TMEM132D: variants seen among roughly 807,000 people sequenced by gnomAD.
TMEM132D encodes the protein mature OL transmembrane protein.
TMEM132D carries 21 observed loss-of-function variants against 62.3 expected under a neutral mutation model. That is an observed-to-expected ratio of 0.34 (90% CI 0.24 to 0.49). TMEM132D has a LOEUF of 0.49. Ranked by LOEUF, TMEM132D falls within the 20% of genes least tolerant of loss-of-function variation. The probability of loss-of-function intolerance (pLI) is 0.99; values close to 1 mark genes in which losing one functional copy is unlikely to be tolerated. For synonymous variants in TMEM132D, 621 were observed against 575.6 expected (o/e 1.08, Z -1.13); for missense variants, 1,346 against 1,402.8 (o/e 0.96, Z 0.65).
chr12:129,438,326 C>T (rs1872844501), intron 3 of TMEM132D, among the ~76,000 whole-genome samples: 1 of 152,142 alleles, frequency 6.6e-6, no homozygotes, highest in Admixed American at 6.5e-5. Context: ...CAGAAAGGTG[C>T]AGAGACAAGT....
At chr12:129,286,728 A>G (rs1363687971) in intron 4 of TMEM132D, among the ~76,000 whole-genome samples, 1 of 152,184 alleles carries the variant, frequency 6.6e-6, no homozygotes. Context: ...TCTAGACCTT[A>G]AAGTGTAAAT....
intron 3 of TMEM132D, among the ~76,000 whole-genome samples, chr12:129,515,861 T>C (rs1593046722): frequency 1.3e-5 from 2 of 152,364 alleles, no homozygotes; most frequent in South Asian, 4.1e-4. Flanking sequence ...TGGATTTTTA[T>C]TTCTGAAGGC....
At chr12:129,900,237 G>A (rs2137402049) in intron 1 of TMEM132D, among the ~76,000 whole-genome samples, 1 of 152,306 alleles carries the variant, frequency 6.6e-6, no homozygotes, top group African/African-American at 2.4e-5. Flanking sequence ...TAAACACACA[G>A]ACACACCACA....
chr12:129,699,964 G>C lies in TMEM132D; in HGVS notation c.814C>G (p.Leu272Val). 2.5e-6 allele frequency: 4 copies of C among 1,614,130 alleles called. No homozygotes were observed. In the South Asian group the frequency reaches 4.4e-5, roughly 18 times the overall value. ...PPLQRIGSIF[L>V]YQTHRKPSLR... ...GAGGGTTTCCTGTGTGTCTGATAAA[G>C]GAAGATGCTCCCGATCCTCTGCAAG... The change falls in exon 2 of 9, where the codon CTT becomes GTT. Residue 272 changes from leucine (L) to valine (V), a missense_variant. Leu to Val is a conservative substitution (Grantham distance 32). Transcript: ENST00000422113.
At chr12:129,881,556 TC>T (rs1279525481) in intron 1 of TMEM132D, among the ~76,000 whole-genome samples, 2 of 151,466 alleles carry the variant, frequency 1.3e-5, no homozygotes, top group African/African-American at 4.9e-5. Context: ...ATCTAGAAAA[TC>T]CCCCAAACAT....
chr12:129,903,912 C>T lies in TMEM132D; in HGVS notation c.-573G>A, dbSNP rs1333761717. Among the ~76,000 whole-genome samples the T allele has an allele frequency of 1.4e-5, 2 of 147,408 alleles. No homozygotes were observed. Among genetic ancestry groups the T allele is most frequent in the East Asian group, 4.0e-4 (2 of 5,026 alleles). On this transcript the variant is annotated 5_prime_UTR_variant, in exon 1 of 9. Coordinates refer to ENST00000422113, the MANE Select transcript of TMEM132D (RefSeq NM_133448.3). This position sits in a 1 kb window ranked among gnomAD's most constrained non-coding sequence, Gnocchi z 6.2. Reference sequence around the variant, plus strand: ...CTGCGCCTCGGGGCTCGGGCGCGCGCGCGCTCCGGCACCCAAAGTTTGGCG... The same window carrying T: ...CTGCGCCTCGGGGCTCGGGCGCGCGTGCGCTCCGGCACCCAAAGTTTGGCG...
chr12:129,572,585 A>G (rs1877547140), intron 2 of TMEM132D, among the ~76,000 whole-genome samples: 1 of 152,102 alleles, frequency 6.6e-6, no homozygotes. Context: ...AGTAGCTGGG[A>G]TTACTAGGCA....
chr12:129,123,964 C>T (rs1404262762), intron 5 of TMEM132D, among the ~76,000 whole-genome samples: 3 of 152,144 alleles, frequency 2.0e-5, no homozygotes, highest in Admixed American at 2.0e-4. Context: ...AGGTCTCCAG[C>T]TGCAGAAGGA....
chr12:129,532,036 A>G (rs973004089), intron 2 of TMEM132D, among the ~76,000 whole-genome samples: 90 of 152,312 alleles, frequency 5.9e-4, no homozygotes, highest in African/African-American at 2.1e-3. Context: ...AGTTTGGGTG[A>G]CAAAGTGAGA....
intron 3 of TMEM132D, among the ~76,000 whole-genome samples, chr12:129,430,209 A>C (rs1014893858): frequency 2.0e-5 from 3 of 152,144 alleles, no homozygotes; most frequent in Admixed American, 6.5e-5. Context: ...ACAGTGTAAA[A>C]GTGTTCCTAT....
chr12:129,568,906 G>A (rs971001344), intron 2 of TMEM132D, among the ~76,000 whole-genome samples: 2 of 152,136 alleles, frequency 1.3e-5, no homozygotes, highest in African/African-American at 4.8e-5. Flanking sequence ...TTAAAGCAGT[G>A]ACTCTCAAAC....
At chr12:129,549,126 C>A (rs1038388629) in intron 2 of TMEM132D, among the ~76,000 whole-genome samples, 1 of 151,488 alleles carries the variant, frequency 6.6e-6, no homozygotes, top group Non-Finnish European at 1.5e-5. Flanking sequence ...TGGGAGGGAC[C>A]TGGTGGGAGG....
At chr12:129,105,422 T>C (rs889761541) in intron 5 of TMEM132D, among the ~76,000 whole-genome samples, 5 of 129,314 alleles carry the variant, frequency 3.9e-5, no homozygotes, top group East Asian at 2.5e-4. Context: ...AGGGATAGCA[T>C]TGGGAGATAT....
rs552126582 is a variant in TMEM132D, at chr12:129,296,189, A to G, written c.1299+41445T>C. Among the ~76,000 whole-genome samples, 35 of 152,298 alleles carry G rather than the reference A, an allele frequency of 2.3e-4. No individual in the cohort carries two copies. The South Asian group carries it at 6.4e-3, about 28-fold the overall frequency. ...AACCCTGACTCAGGCAACTGTAAAT[A>G]TAAGTAAACATTCCACTATGCTTCA... On this transcript the variant is annotated intron_variant, in intron 4 of 8. Transcript: ENST00000422113.
At chr12:129,609,039 C>T (rs947180844) in intron 2 of TMEM132D, among the ~76,000 whole-genome samples, 1 of 151,172 alleles carries the variant, frequency 6.6e-6, no homozygotes, top group Non-Finnish European at 1.5e-5. Flanking sequence ...CTCCTGGGTT[C>T]CAGCGATTCT....
Position 129,903,438 on chromosome 12 carries a change from G to T in TMEM132D, c.-99C>A, listed in dbSNP as rs1875439608. ...AGAGGCCCGCAGCGGGGCCGGTGGCGAGGGAGCGCCCGGCTAGGGGCCCGA... is the reference window on the plus strand; with the variant it reads ...AGAGGCCCGCAGCGGGGCCGGTGGCTAGGGAGCGCCCGGCTAGGGGCCCGA... On this transcript the variant is annotated 5_prime_UTR_variant, in exon 1 of 9. Transcript: ENST00000422113. The surrounding 1 kb of genome is among the most constrained non-coding windows in gnomAD (Gnocchi z 6.2). 7.6e-7 allele frequency: 1 copy of T among 1,318,006 alleles called. No homozygotes were observed. Among genetic ancestry groups the T allele is most frequent in the Non-Finnish European group, 1.1e-6 (1 of 946,046 alleles). 81.6% of individuals were successfully genotyped at this position (1,318,006 alleles called of 1,614,324 possible).
chr12:129,282,720 T>G (rs1413048994), intron 4 of TMEM132D, among the ~76,000 whole-genome samples: 1 of 152,210 alleles, frequency 6.6e-6, no homozygotes, highest in Admixed American at 6.5e-5. Context: ...GAAATTTACA[T>G]TTCTTGCATA....
intron 3 of TMEM132D, among the ~76,000 whole-genome samples, chr12:129,522,950 TTATA>T (rs10649673): frequency 6.7e-6 from 1 of 149,488 alleles, no homozygotes; most frequent in Non-Finnish European, 1.5e-5. Flanking sequence ...TAGACATAGA[TTATA>T]TATATATATA....
At chr12:129,256,633 G>T (rs1880407843) in intron 4 of TMEM132D, among the ~76,000 whole-genome samples, 1 of 152,194 alleles carries the variant, frequency 6.6e-6, no homozygotes, top group Non-Finnish European at 1.5e-5. Context: ...TGTTGGCTAG[G>T]CTGGTCTTGA....
Sources: gnomAD v4.1 joint callset for allele counts (sites outside exome capture counted in the v4.1 genomes callset) on GRCh38, gnomAD v4.1.1 for gene constraint, Gnocchi (gnomAD v3.1) non-coding constraint, MANE v1.5 for transcripts, NCBI Gene and HGNC (gene_info 2026-07-23, HGNC 2026-07-21) for gene names.